COL4A2: variants seen among roughly 807,000 people sequenced by gnomAD.
The protein encoded by COL4A2 is collagen alpha-2(IV) chain.
Under a neutral mutation model 200.2 loss-of-function variants are expected in COL4A2, and 99 were observed. The observed-to-expected ratio is 0.49, with a 90% CI of 0.42 to 0.58. The LOEUF is 0.58. COL4A2 is among the 20% of genes least tolerant of loss of function. The pLI, the probability that COL4A2 is intolerant of heterozygous loss-of-function variation, is 0.00. For missense variants in COL4A2, 1,950 were observed against 2,314.1 expected (o/e 0.84, Z 3.23); for synonymous variants, 897 against 900.6 (o/e 1.00, Z 0.07).
chr13:110,416,041 T>C (rs1201801947), intron 4 of COL4A2, among the ~76,000 whole-genome samples: 1 of 152,250 alleles, frequency 6.6e-6, no homozygotes, highest in East Asian at 1.9e-4. Context: ...CAATTAGCTC[T>C]TTTAATTGCC....
At chr13:110,344,038 A>G (rs1029358485) in intron 3 of COL4A2, among the ~76,000 whole-genome samples, 2 of 152,186 alleles carry the variant, frequency 1.3e-5, no homozygotes, top group African/African-American at 4.8e-5. Context: ...AATTTAGTGT[A>G]GATAATGTGT....
chr13:110,389,828 G>A (rs553942407), intron 4 of COL4A2, among the ~76,000 whole-genome samples: 288 of 150,454 alleles, frequency 1.9e-3, no homozygotes, highest in African/African-American at 6.4e-3. Context: ...GCAGCCTTTC[G>A]TGTTTATTGT....
At chr13:110,480,927 C>G (rs893701670) in intron 31 of COL4A2, among the ~76,000 whole-genome samples, 1 of 149,138 alleles carries the variant, frequency 6.7e-6, no homozygotes, top group Non-Finnish European at 1.5e-5. Flanking sequence ...CTGTTCTGTC[C>G]CTCCGTTGCT....
At chr13:110,344,461 A>C (rs867396638) in intron 3 of COL4A2, among the ~76,000 whole-genome samples, 2 of 152,200 alleles carry the variant, frequency 1.3e-5, no homozygotes, top group African/African-American at 4.8e-5. Flanking sequence ...CCTCTAACTC[A>C]TACTTGCTGA....
chr13:110,354,289 C>G (rs959429188), intron 3 of COL4A2, among the ~76,000 whole-genome samples: 1 of 152,058 alleles, frequency 6.6e-6, no homozygotes, highest in Non-Finnish European at 1.5e-5. Flanking sequence ...GCCTCCCTCA[C>G]GTGTAGTAAA....
rs187670252 is a variant in COL4A2 at position 110,455,505 on chromosome 13, T to G, written c.1340-1838T>G. ...CTGTTCCCCAGCACGGGCCATAATTTGAAAATCCGCATTAGTGTGTTTCCT... is the reference window on the plus strand; with the variant it reads ...CTGTTCCCCAGCACGGGCCATAATTGGAAAATCCGCATTAGTGTGTTTCCT... On this transcript the variant is annotated intron_variant, in intron 20 of 47. Transcript: ENST00000360467. Among the ~76,000 whole-genome samples, 11 of 152,248 alleles carry G rather than the reference T, an allele frequency of 7.2e-5. No homozygotes were observed. The East Asian group carries it at 1.5e-3, about 21-fold the overall frequency.
In COL4A2 at chr13:110,307,874, A is replaced by G; in HGVS notation, c.-30A>G. Reference sequence around the variant, plus strand: ...GTCGCCTCTAGGCTAAGTGGGACTGACCGGGGCCCAGAGTGGACGAACCGC... The same window carrying G: ...GTCGCCTCTAGGCTAAGTGGGACTGGCCGGGGCCCAGAGTGGACGAACCGC... On this transcript the variant is annotated 5_prime_UTR_variant, in exon 2 of 48. Coordinates refer to ENST00000360467, the MANE Select transcript of COL4A2 (RefSeq NM_001846.4). The surrounding 1 kb of genome is among the most constrained non-coding windows in gnomAD (Gnocchi z 5.0). The G allele has an allele frequency of 6.2e-7, 1 of 1,607,350 alleles. No homozygotes were observed.
Position 110,397,952 on chromosome 13 carries a change from C to T in COL4A2, c.181-26782C>T, listed in dbSNP as rs183245127. Among the ~76,000 whole-genome samples the T allele has an allele frequency of 2.2e-4, 33 of 152,132 alleles. 1 individual carries two copies. The highest frequency in any genetic ancestry group is 2.1e-3 in the Admixed American group (32 of 15,278). On this transcript the variant is annotated intron_variant, in intron 4 of 47. Coordinates refer to ENST00000360467, the MANE Select transcript of COL4A2 (RefSeq NM_001846.4). ...ATCCTTGCTTTAAGAGCAGCTGTAT[C>T]GTATGGAGAAGAAGTCATCTCTGCT...
At chr13:110,451,750 A>G (rs1881545230) in intron 20 of COL4A2, among the ~76,000 whole-genome samples, 1 of 152,228 alleles carries the variant, frequency 6.6e-6, no homozygotes, top group African/African-American at 2.4e-5. Flanking sequence ...CACAAAACCT[A>G]ACCGTATCAC....
intron 40 of COL4A2, 138 bp downstream of exon 40, chr13:110,495,605 C>T: frequency 8.8e-7 from 1 of 1,131,046 alleles, no homozygotes; most frequent in Non-Finnish European, 1.2e-6. Context: ...GGGAGGACTA[C>T]CTGTTGCAGG....
At position 110,436,261 on chromosome 13, in the gene COL4A2, ATATGC is replaced by A; in HGVS notation, c.727-7_727-3del. On this transcript the variant is annotated splice_polypyrimidine_tract_variant and splice_region_variant and intron_variant, in intron 12 of 47. Transcript: ENST00000360467. ...TAAAGACAACTGCTTTTGCTTAACA[ATATGC>A]AGGGTGACGTAGGGCAGCCGGGACC... 1 of 1,613,952 alleles carries A rather than the reference ATATGC, an allele frequency of 6.2e-7. No individual in the cohort carries two copies.
intron 45 of COL4A2, among the ~76,000 whole-genome samples, chr13:110,505,214 G>A (rs199798854): frequency 3.9e-5 from 6 of 152,018 alleles, no homozygotes; most frequent in East Asian, 1.9e-4. Context: ...GCCGGGCGTG[G>A]TGGCGGGCGC....
At chr13:110,498,675 C>A (rs1883538178) in intron 40 of COL4A2, among the ~76,000 whole-genome samples, 1 of 152,230 alleles carries the variant, frequency 6.6e-6, no homozygotes. Flanking sequence ...AAGTGCTCAA[C>A]AAATACTTGC....
At chr13:110,355,646 T>G (rs9521707) in intron 3 of COL4A2, among the ~76,000 whole-genome samples, 5 of 14,050 alleles carry the variant, frequency 3.6e-4, no homozygotes, top group African/African-American at 9.2e-4. Context: ...CCTGTGTGTG[T>G]GGGGGAGGGC....
At chr13:110,493,633 G>A (rs1319429331) in intron 39 of COL4A2, among the ~76,000 whole-genome samples, 1 of 152,164 alleles carries the variant, frequency 6.6e-6, no homozygotes, top group Non-Finnish European at 1.5e-5. Flanking sequence ...TCTGCCCATT[G>A]CCTGTCTGTG....
intron 3 of COL4A2, among the ~76,000 whole-genome samples, chr13:110,325,007 C>T (rs531281696): frequency 1.3e-5 from 2 of 152,312 alleles, no homozygotes; most frequent in African/African-American, 2.4e-5. Context: ...CCTGAGAGCA[C>T]GTTCGACCCT....
intron 4 of COL4A2, among the ~76,000 whole-genome samples, chr13:110,367,547 A>G (rs1566496088): frequency 6.6e-6 from 1 of 152,252 alleles, no homozygotes; most frequent in Non-Finnish European, 1.5e-5. Flanking sequence ...TGATTATGGC[A>G]TTGTAAAAGT....
rs568719416 is a variant in COL4A2, at chr13:110,503,294, C to T, written c.4039+12C>T. The T allele has an allele frequency of 6.3e-7, 1 of 1,599,442 alleles. No homozygotes were observed. The highest frequency in any genetic ancestry group is 1.1e-5 in the South Asian group (1 of 89,718). ...CCCAGGAGAAAAAGGTAACAGTGCC[C>T]ATGGCCATGGGCCAGCAGCCCTGGC... On this transcript the variant is annotated intron_variant, in intron 42 of 47. Coordinates refer to ENST00000360467, the MANE Select transcript of COL4A2 (RefSeq NM_001846.4).
chr13:110,377,232 A>G (rs1878275147), intron 4 of COL4A2, among the ~76,000 whole-genome samples: 1 of 152,152 alleles, frequency 6.6e-6, no homozygotes, highest in African/African-American at 2.4e-5. Context: ...TGGTTAGGAC[A>G]TCTGCATTCT....
Sources: allele counts gnomAD v4.1 joint callset (sites outside exome capture counted in the v4.1 genomes callset), GRCh38; gene constraint gnomAD v4.1.1; non-coding constraint Gnocchi (gnomAD v3.1); transcripts MANE v1.5; gene names NCBI Gene and HGNC (gene_info 2026-07-23, HGNC 2026-07-21).